The following NAV2 variants were observed in gnomAD, a reference collection of about 807,000 sequenced individuals.
NAV2 encodes the protein neuron navigator 2, also known as helicase, APC down-regulated 1.
NAV2 carries 54 observed loss-of-function variants against 223.2 expected under a neutral mutation model. That is an observed-to-expected ratio of 0.24 (90% CI 0.19 to 0.30). The LOEUF is 0.30. Among genes scored for constraint, NAV2 ranks in the 10% least tolerant of loss-of-function variants. The pLI is 1.00. For synonymous variants in NAV2, 1,279 were observed against 1,239.3 expected (o/e 1.03, Z -0.67); for missense variants, 2,806 against 3,147.5 (o/e 0.89, Z 2.60).
chr11:19,424,368 G>C (rs1023288885), intron 1 of NAV2, among the ~76,000 whole-genome samples: 7 of 152,278 alleles, frequency 4.6e-5, no homozygotes, highest in Admixed American at 1.3e-4. Flanking sequence ...TTTCCAGAAG[G>C]TTGGGCTGAA....
intron 1 of NAV2, among the ~76,000 whole-genome samples, chr11:19,545,510 A>C (rs1343306269): frequency 6.6e-6 from 1 of 152,186 alleles, no homozygotes; most frequent in Non-Finnish European, 1.5e-5. Context: ...ATTCACTTAA[A>C]GGGCTGGCAT....
chr11:19,403,352 C>A (rs1263499415), intron 1 of NAV2, among the ~76,000 whole-genome samples: 2 of 152,090 alleles, frequency 1.3e-5, no homozygotes, highest in African/African-American at 4.8e-5. Flanking sequence ...TACTCTAGTG[C>A]AATAACAGGA....
intron 1 of NAV2, among the ~76,000 whole-genome samples, chr11:19,366,045 G>A (rs1397034537): frequency 6.6e-6 from 1 of 152,172 alleles, no homozygotes; most frequent in East Asian, 1.9e-4. Context: ...CTGAGAATGG[G>A]GAATTCTTGT....
intron 19 of NAV2, among the ~76,000 whole-genome samples, chr11:20,058,781 T>C (rs1047717661): frequency 2.0e-5 from 3 of 152,230 alleles, no homozygotes; most frequent in African/African-American, 4.8e-5. Flanking sequence ...TGAAAAATAA[T>C]TGTACCTGCT....
intron 1 of NAV2, among the ~76,000 whole-genome samples, chr11:19,390,571 G>C (rs1399866016): frequency 6.6e-6 from 1 of 152,214 alleles, no homozygotes; most frequent in Middle Eastern, 3.2e-3. Context: ...TAAAGTTTCA[G>C]TTGGGGGGAA....
intron 1 of NAV2, among the ~76,000 whole-genome samples, chr11:19,648,357 A>G (rs1235028811): frequency 6.6e-6 from 1 of 152,216 alleles, no homozygotes; most frequent in Non-Finnish European, 1.5e-5. Flanking sequence ...GTAACTTGAC[A>G]TCAGCCATGA....
At chr11:20,055,418 A>G (rs755911599) in intron 18 of NAV2, among the ~76,000 whole-genome samples, 47 of 152,188 alleles carry the variant, frequency 3.1e-4, no homozygotes, top group Non-Finnish European at 5.3e-4. Flanking sequence ...CCATCTGATC[A>G]AAAGCCTGAT....
At chr11:19,603,085 G>T (rs928163410) in intron 1 of NAV2, among the ~76,000 whole-genome samples, 1 of 152,324 alleles carries the variant, frequency 6.6e-6, no homozygotes, top group Non-Finnish European at 1.5e-5. Flanking sequence ...GAGGGCTGAG[G>T]TTACGTAGGA....
At chr11:19,964,492 C>A (rs1591450550) in intron 10 of NAV2, among the ~76,000 whole-genome samples, 1 of 146,606 alleles carries the variant, frequency 6.8e-6, no homozygotes, top group African/African-American at 2.5e-5. Flanking sequence ...TTTTCATCCT[C>A]TTTTTTTTTT....
intron 1 of NAV2, chr11:19,506,478 C>G (rs1384311263): frequency 6.6e-6 from 1 of 152,252 alleles, no homozygotes; most frequent in Non-Finnish European, 1.5e-5. Context: ...CACTGAATCT[C>G]TCTGAGCCTC....
chr11:19,625,428 T>TAC (rs1466342404), intron 1 of NAV2, among the ~76,000 whole-genome samples: 1 of 152,246 alleles, frequency 6.6e-6, no homozygotes, highest in African/African-American at 2.4e-5. Flanking sequence ...GTTGTATATA[T>TAC]ACCACATTTT....
intron 2 of NAV2, among the ~76,000 whole-genome samples, chr11:19,837,229 A>G (rs1048593816): frequency 5.3e-5 from 8 of 152,208 alleles, no homozygotes; most frequent in African/African-American, 1.9e-4. Context: ...ACAAGCCTAT[A>G]ATAATAAATA....
At chr11:19,564,111 C>G (rs930456970) in intron 1 of NAV2, among the ~76,000 whole-genome samples, 2 of 152,232 alleles carry the variant, frequency 1.3e-5, no homozygotes, top group African/African-American at 4.8e-5. Context: ...CCCTACCCCT[C>G]CAGGGAAGAT....
intron 1 of NAV2, among the ~76,000 whole-genome samples, chr11:19,542,310 A>G (rs1173317439): frequency 6.6e-6 from 1 of 152,224 alleles, no homozygotes; most frequent in African/African-American, 2.4e-5. Context: ...TTTAATCTTC[A>G]TAATAACCCT....
intron 1 of NAV2, chr11:19,505,939 G>T (rs908884435): frequency 6.6e-6 from 1 of 152,170 alleles, no homozygotes; most frequent in Non-Finnish European, 1.5e-5. Context: ...TTCCTTGATG[G>T]CTATTATGTC....
At chr11:20,008,148 C>T (rs1311524877) in intron 11 of NAV2, among the ~76,000 whole-genome samples, 4 of 152,098 alleles carry the variant, frequency 2.6e-5, no homozygotes, top group African/African-American at 7.2e-5. Context: ...GGGCAGATCA[C>T]CTGAGGTCAG....
chr11:19,762,166 C>T (rs1340219095), intron 1 of NAV2, among the ~76,000 whole-genome samples: 2 of 152,172 alleles, frequency 1.3e-5, no homozygotes, highest in Non-Finnish European at 2.9e-5. Flanking sequence ...TCACTGGAAC[C>T]CGGAAGGTGG....
chr11:19,958,790 G>A (rs1041144356), intron 10 of NAV2, among the ~76,000 whole-genome samples: 11 of 152,218 alleles, frequency 7.2e-5, no homozygotes, highest in African/African-American at 2.4e-4. Flanking sequence ...CAGACCAATA[G>A]CCTAAGGACA....
In NAV2 at chr11:19,990,607, A is replaced by G. The variant is rs545525104; in HGVS notation, c.2768+6360A>G. Among the ~76,000 whole-genome samples the G allele has an allele frequency of 2.0e-5, 3 of 152,068 alleles. No individual in the cohort carries two copies. In the South Asian group the frequency reaches 6.2e-4, roughly 32 times the overall value. ...ACCGTCATCAAGTAAAGCAAAGGTG[A>G]TCTCTCCTCTTTGACCACTAATCCC... On this transcript the variant is annotated intron_variant, in intron 11 of 37. Coordinates refer to ENST00000349880, the MANE Select transcript of NAV2 (RefSeq NM_145117.5).
Sources: allele counts gnomAD v4.1 joint callset (sites outside exome capture counted in the v4.1 genomes callset), GRCh38; gene constraint gnomAD v4.1.1; transcripts MANE v1.5; gene names NCBI Gene and HGNC (gene_info 2026-07-23, HGNC 2026-07-21).